The following ANKRD12 variants were observed in gnomAD, a reference collection of about 807,000 sequenced individuals.
The protein encoded by ANKRD12 is ankyrin repeat domain 12, also known as ankyrin repeat domain-containing protein 12.
A neutral mutation model predicts 183.4 loss-of-function variants in ANKRD12; 85 were observed. The observed-to-expected ratio is 0.46, with a 90% CI of 0.39 to 0.56. The LOEUF (loss-of-function observed/expected upper bound fraction) is 0.56. Among genes scored for constraint, ANKRD12 ranks in the 20% least tolerant of loss-of-function variants. The pLI is 0.00. For missense variants in ANKRD12, 2,405 were observed against 2,357.1 expected, an observed-to-expected ratio of 1.02 and a Z score of -0.42; for synonymous variants, 914 against 800.2, an observed-to-expected ratio of 1.14 and a Z score of -2.40.
At chr18:9,250,175 C>G (rs2038206046) in intron 8 of ANKRD12, 1 of 152,200 alleles carries the variant, frequency 6.6e-6, no homozygotes, top group South Asian at 2.1e-4. Context: ...GTCTTTGTTG[C>G]TGTTCCATTC....
chr18:9,187,353 A>G (rs2034154581), intron 2 of ANKRD12, among the ~76,000 whole-genome samples: 1 of 152,176 alleles, frequency 6.6e-6, no homozygotes, highest in Non-Finnish European at 1.5e-5. Context: ...ACAGTGAGCT[A>G]TGCTTGTGCC....
chr18:9,222,899 A>G (rs2036501119), intron 8 of ANKRD12, among the ~76,000 whole-genome samples: 2 of 152,248 alleles, frequency 1.3e-5, no homozygotes, highest in South Asian at 4.1e-4. Flanking sequence ...TGATTAAGAG[A>G]TGCTGCCAAA....
intron 3 of ANKRD12, among the ~76,000 whole-genome samples, chr18:9,201,906 CA>C (rs1038502862): frequency 7.9e-5 from 12 of 151,654 alleles, no homozygotes; most frequent in African/African-American, 2.9e-4. Flanking sequence ...CGGCTCACTG[CA>C]ACCTCTGCCT....
At chr18:9,234,224 C>T (rs906310734) in intron 8 of ANKRD12, among the ~76,000 whole-genome samples, 1 of 152,176 alleles carries the variant, frequency 6.6e-6, no homozygotes, top group African/African-American at 2.4e-5. Context: ...CTGTTTCGCT[C>T]ACCCCAGCCT....
chr18:9,182,773 A>T (rs545646505), intron 2 of ANKRD12, among the ~76,000 whole-genome samples: 2 of 152,180 alleles, frequency 1.3e-5, no homozygotes, highest in East Asian at 3.9e-4. Context: ...AGAGGGAAAA[A>T]TTTTTATTAT....
At chr18:9,238,189 C>T (rs1458882377) in intron 8 of ANKRD12, among the ~76,000 whole-genome samples, 1 of 152,120 alleles carries the variant, frequency 6.6e-6, no homozygotes, top group African/African-American at 2.4e-5. Context: ...TCTCAATTTC[C>T]TCCTAGATTC....
chr18:9,234,206 G>A (rs1729351627), intron 8 of ANKRD12, among the ~76,000 whole-genome samples: 1 of 152,192 alleles, frequency 6.6e-6, no homozygotes, highest in Non-Finnish European at 1.5e-5. Context: ...GCCTAGACAG[G>A]CAGCTCTCTG....
At chr18:9,271,567 A>G (rs1398353805) in intron 10 of ANKRD12, among the ~76,000 whole-genome samples, 2 of 152,256 alleles carry the variant, frequency 1.3e-5, no homozygotes, top group East Asian at 1.9e-4. Context: ...TGTGTTGCCC[A>G]GGCTGGTCTC....
intron 5 of ANKRD12, among the ~76,000 whole-genome samples, chr18:9,209,880 A>T (rs2035689884): frequency 6.6e-6 from 1 of 152,190 alleles, no homozygotes; most frequent in South Asian, 2.1e-4. Context: ...ACAGACAAAA[A>T]GTAAAAGTCT....
intron 5 of ANKRD12, among the ~76,000 whole-genome samples, chr18:9,209,963 C>G (rs1477300626): frequency 6.6e-6 from 1 of 152,028 alleles, no homozygotes; most frequent in African/African-American, 2.4e-5. Flanking sequence ...TGTAGCTTTT[C>G]TAGGCATAAA....
intron 8 of ANKRD12, chr18:9,239,564 T>C (rs1441123778): frequency 1.6e-6 from 2 of 1,267,626 alleles, no homozygotes; most frequent in East Asian, 5.6e-5. Context: ...TCAGTAAGTA[T>C]CATATAAAGA....
At chr18:9,138,501 G>A (rs937834718) in intron 1 of ANKRD12, among the ~76,000 whole-genome samples, 5 of 152,126 alleles carry the variant, frequency 3.3e-5, no homozygotes, top group Non-Finnish European at 7.4e-5. Flanking sequence ...CCACAAGAGC[G>A]AAACTCCGTC....
Position 9,219,812 on chromosome 18 carries a change from T to G in ANKRD12, c.796-2040T>G, listed in dbSNP as rs565077874. Among the ~76,000 whole-genome samples the G allele has an allele frequency of 5.6e-4, 85 of 151,956 alleles. 1 individual carries two copies. Among genetic ancestry groups the G allele is most frequent in the African/African-American group, 2.0e-3 (84 of 41,442 alleles). On this transcript the variant is annotated intron_variant, in intron 7 of 12. Coordinates refer to ENST00000262126, the MANE Select transcript of ANKRD12 (RefSeq NM_015208.5). ...AGTACCAATGACCTCTGGAAGTGCT[T>G]CTTAAGATATGGAAACGACTATTAG... is the stretch of plus-strand genomic sequence containing the variant.
rs901383063 is a variant in ANKRD12 at position 9,282,211 on chromosome 18, T to C, written c.*1085T>C. 1 of 152,626 alleles carries C rather than the reference T, an allele frequency of 6.6e-6. No homozygotes were observed. Among genetic ancestry groups the C allele is most frequent in the Non-Finnish European group, 1.5e-5 (1 of 68,008 alleles). 9.5% of individuals were successfully genotyped at this position (152,626 alleles called of 1,614,324 possible). On this transcript the variant is annotated 3_prime_UTR_variant, in exon 13 of 13. Transcript: ENST00000262126. Reference sequence around the variant, plus strand: ...ATGTTAAATCATTGTAAAACTTTTTTACATTGCTTAATGTTTTAAGCTTAA... The same window carrying C: ...ATGTTAAATCATTGTAAAACTTTTTCACATTGCTTAATGTTTTAAGCTTAA...
intron 1 of ANKRD12, among the ~76,000 whole-genome samples, chr18:9,149,173 T>A (rs2078595528): frequency 6.6e-6 from 1 of 152,198 alleles, no homozygotes; most frequent in Non-Finnish European, 1.5e-5. Flanking sequence ...GGTAACTAAA[T>A]TGTCTTTTTT....
At chr18:9,188,421 A>T (rs913277572) in intron 2 of ANKRD12, among the ~76,000 whole-genome samples, 2 of 152,212 alleles carry the variant, frequency 1.3e-5, no homozygotes, top group African/African-American at 4.8e-5. Context: ...CCATGAAAAG[A>T]TAGTCCAGGA....
intron 1 of ANKRD12, among the ~76,000 whole-genome samples, chr18:9,180,836 T>A (rs1000279458): frequency 6.6e-6 from 1 of 152,204 alleles, no homozygotes; most frequent in African/African-American, 2.4e-5. Flanking sequence ...CAAAAAATAT[T>A]TGACACTCCT....
intron 8 of ANKRD12, among the ~76,000 whole-genome samples, chr18:9,247,135 AAAT>A (rs2038008337): frequency 2.0e-5 from 3 of 150,936 alleles, no homozygotes; most frequent in African/African-American, 7.4e-5. Flanking sequence ...GCTGAAAATG[AAAT>A]AATGATTTTG....
intron 6 of ANKRD12, among the ~76,000 whole-genome samples, chr18:9,216,419 G>A (rs747001125): frequency 1.3e-5 from 2 of 152,182 alleles, no homozygotes; most frequent in Non-Finnish European, 2.9e-5. Context: ...CAAAGTATGT[G>A]TTAGTCAAAC....
Sources: allele counts gnomAD v4.1 joint callset (sites outside exome capture counted in the v4.1 genomes callset), GRCh38; gene constraint gnomAD v4.1.1; transcripts MANE v1.5; gene names NCBI Gene and HGNC (gene_info 2026-07-23, HGNC 2026-07-21).